The following ZFAT variants were observed in gnomAD, a reference collection of about 807,000 sequenced individuals.
ZFAT encodes zinc finger and AT-hook domain containing, also known as zinc finger protein ZFAT.
Under a neutral mutation model 117.7 loss-of-function variants are expected in ZFAT, and 64 were observed. That is an observed-to-expected ratio of 0.54 (90% CI 0.44 to 0.67). The LOEUF (loss-of-function observed/expected upper bound fraction) is 0.67. ZFAT is among the 30% of genes least tolerant of loss of function. The pLI is 0.00. For missense variants in ZFAT, 1,433 were observed against 1,584.5 expected (o/e 0.90, Z 1.62); for synonymous variants, 679 against 615.0 (o/e 1.10, Z -1.54).
chr8:134,648,746 C>CA (rs950645729), intron 2 of ZFAT, among the ~76,000 whole-genome samples: 65 of 151,806 alleles, frequency 4.3e-4, no homozygotes, highest in Admixed American at 4.3e-3. Flanking sequence ...AAAATTTTTC[C>CA]AAAAAATAGA....
chr8:134,761,982 A>ATG, the ZFAT span, among the ~76,000 whole-genome samples: 644 of 147,234 alleles, frequency 4.4e-3, 4 homozygotes, highest in South Asian at 0.011. Flanking sequence ...TTCTCTCTGT[A>ATG]TGTGTGTGTG....
At chr8:134,725,092 C>G in the ZFAT span, among the ~76,000 whole-genome samples, 1 of 152,192 alleles carries the variant, frequency 6.6e-6, no homozygotes, top group African/African-American at 2.4e-5. Context: ...TGGAGGTAAC[C>G]TCCACAGAGA....
chr8:134,717,354 A>C (rs1404378244), upstream of ZFAT, among the ~76,000 whole-genome samples: 1 of 148,694 alleles, frequency 6.7e-6, no homozygotes, highest in South Asian at 2.3e-4. Context: ...CACTCAGTGC[A>C]CCTGGGAAGG....
At chr8:134,484,948 C>G (rs1440620300) in intron 15 of ZFAT, among the ~76,000 whole-genome samples, 1 of 151,980 alleles carries the variant, frequency 6.6e-6, no homozygotes, top group Admixed American at 6.6e-5. Context: ...CTTGGATGAA[C>G]AAAGAAAGCA....
chr8:134,659,291 G>A (rs548646437), intron 1 of ZFAT, among the ~76,000 whole-genome samples: 1 of 152,300 alleles, frequency 6.6e-6, no homozygotes, highest in South Asian at 2.1e-4. Flanking sequence ...TGCGTCTTCA[G>A]CTGTCTCCCC....
intron 11 of ZFAT, among the ~76,000 whole-genome samples, chr8:134,542,653 C>T (rs1822347279): frequency 6.6e-6 from 1 of 152,222 alleles, no homozygotes; most frequent in East Asian, 1.9e-4. Flanking sequence ...TTATCAGCCC[C>T]CTGCTCAGAG....
the ZFAT span, among the ~76,000 whole-genome samples, chr8:134,746,856 G>A: frequency 3.9e-5 from 6 of 152,218 alleles, no homozygotes; most frequent in African/African-American, 4.8e-5. Context: ...TAGAATCCAC[G>A]CTTTGTGAAA....
intron 13 of ZFAT, among the ~76,000 whole-genome samples, chr8:134,514,279 C>T (rs570168780): frequency 7.2e-5 from 11 of 152,242 alleles, no homozygotes; most frequent in South Asian, 2.1e-4. Flanking sequence ...CAGCTGGAAG[C>T]GAGGCTTTAC....
intron 1 of ZFAT, among the ~76,000 whole-genome samples, chr8:134,666,399 A>T (rs1321272359): frequency 6.6e-6 from 1 of 152,266 alleles, no homozygotes; most frequent in East Asian, 1.9e-4. Flanking sequence ...CCAAGATTCA[A>T]TTAAAAATCA....
chr8:134,649,191 ACACACACACACC>A (rs1388264937), intron 2 of ZFAT, among the ~76,000 whole-genome samples: 46 of 151,400 alleles, frequency 3.0e-4, no homozygotes, highest in African/African-American at 8.0e-4. Context: ...ACACACACAC[ACACACACACACC>A]CCATCATACT....
intron 11 of ZFAT, among the ~76,000 whole-genome samples, chr8:134,534,888 G>A (rs182043507): frequency 1.5e-3 from 221 of 152,074 alleles, no homozygotes; most frequent in Non-Finnish European, 2.5e-3. Context: ...CTTGCCCACC[G>A]CCTGCTGCAA....
the ZFAT span, among the ~76,000 whole-genome samples, chr8:134,743,821 C>T: frequency 6.6e-6 from 1 of 152,318 alleles, no homozygotes; most frequent in South Asian, 2.1e-4. Flanking sequence ...CCTTTTCCTA[C>T]TTGCCAGGCT....
intron 1 of ZFAT, among the ~76,000 whole-genome samples, chr8:134,660,941 G>A (rs1202631076): frequency 1.3e-5 from 2 of 152,254 alleles, no homozygotes; most frequent in Non-Finnish European, 2.9e-5. Flanking sequence ...TTATGAATTT[G>A]CATTAACACA....
intron 3 of ZFAT, among the ~76,000 whole-genome samples, chr8:134,618,968 C>T (rs1288819751): frequency 6.6e-6 from 1 of 152,174 alleles, no homozygotes; most frequent in Non-Finnish European, 1.5e-5. Context: ...CTAAACCACA[C>T]AGCACGTTAG....
chr8:134,600,463 C>T lies in ZFAT; in HGVS notation c.2448G>A (p.Gln816=), dbSNP rs1465923749. 1 of 1,614,104 alleles carries T rather than the reference C, an allele frequency of 6.2e-7. No homozygotes were observed. The stretch of plus-strand genomic sequence containing the variant: ...GTGCTGTGTGAACTTTAAGATGTGC[C>T]TGTAGCTTATATTTATCTGGAGTTG... The part of the protein sequence containing the change: ...DYSTPDKYKL[Q]AHLKVHTALD... The change falls in exon 7 of 16, where the codon CAG becomes CAA. Residue 816 remains glutamine, a synonymous_variant. Coordinates refer to ENST00000377838, the MANE Select transcript of ZFAT (RefSeq NM_020863.4).
the ZFAT span, among the ~76,000 whole-genome samples, chr8:134,727,179 T>A: frequency 6.6e-6 from 1 of 151,720 alleles, no homozygotes; most frequent in Non-Finnish European, 1.5e-5. Context: ...AGAATGTGTC[T>A]GCAGGAAGTG....
the ZFAT span, among the ~76,000 whole-genome samples, chr8:134,755,670 G>C: frequency 6.6e-6 from 1 of 151,570 alleles, no homozygotes; most frequent in Non-Finnish European, 1.5e-5. Flanking sequence ...AAATTGTCTG[G>C]GTGTGGTGGC....
the ZFAT span, chr8:134,795,823 G>T: frequency 1.3e-5 from 2 of 152,240 alleles, no homozygotes; most frequent in Non-Finnish European, 2.9e-5. Flanking sequence ...AGGGAACTTT[G>T]GTGAACAGCC....
the ZFAT span, among the ~76,000 whole-genome samples, chr8:134,735,720 A>G: frequency 6.6e-6 from 1 of 152,166 alleles, no homozygotes; most frequent in Non-Finnish European, 1.5e-5. Context: ...AAATTAAATC[A>G]CTCATGAGGC....
Sources: gnomAD v4.1 joint callset for allele counts (sites outside exome capture counted in the v4.1 genomes callset) on GRCh38, gnomAD v4.1.1 for gene constraint, MANE v1.5 for transcripts, NCBI Gene and HGNC (gene_info 2026-07-23, HGNC 2026-07-21) for gene names.